SND1: variants seen among roughly 807,000 people sequenced by gnomAD.
SND1 encodes staphylococcal nuclease domain-containing protein 1.
Under a neutral mutation model 121.7 loss-of-function variants are expected in SND1, and 38 were observed. The ratio of observed to expected loss-of-function variants is 0.31; its 90% CI spans 0.24 to 0.41. SND1 has a LOEUF of 0.41. SND1 is among the 10% of genes least tolerant of loss of function. The probability of loss-of-function intolerance (pLI) is 1.00; values close to 1 mark genes in which losing one functional copy is unlikely to be tolerated. For missense variants in SND1, 868 were observed against 1,184.6 expected (o/e 0.73, Z 3.92); for synonymous variants, 401 against 447.4 (o/e 0.90, Z 1.31).
At chr7:127,815,548 G>A (rs1798423273) in intron 11 of SND1, among the ~76,000 whole-genome samples, 1 of 152,062 alleles carries the variant, frequency 6.6e-6, no homozygotes, top group Non-Finnish European at 1.5e-5. Context: ...GGACGAGGAG[G>A]AGTATTGGGC....
Position 127,909,293 on chromosome 7 carries a change from C to A in SND1, c.1527+4474C>A, listed in dbSNP as rs1337374521. Among the ~76,000 whole-genome samples the A allele has an allele frequency of 2.6e-5, 4 of 152,228 alleles. No individual in the cohort carries two copies. The East Asian group carries it at 5.8e-4, about 22-fold the overall frequency. On this transcript the variant is annotated intron_variant, in intron 14 of 23. Coordinates refer to ENST00000354725, the MANE Select transcript of SND1 (RefSeq NM_014390.4). ...TAATTTCACTATTACAGTATTTACT[C>A]TCTTAATCCATGGGTCTTTTTAATC...
intron 16 of SND1, among the ~76,000 whole-genome samples, chr7:128,048,701 G>A (rs1217361902): frequency 6.6e-6 from 1 of 152,124 alleles, no homozygotes; most frequent in Admixed American, 6.5e-5. Context: ...TTTTTGTTTT[G>A]GAGGGCGAGA....
intron 13 of SND1, among the ~76,000 whole-genome samples, chr7:127,893,893 TAGCACTCC>T (rs1800064125): frequency 6.6e-6 from 1 of 151,984 alleles, no homozygotes; most frequent in African/African-American, 2.4e-5. Flanking sequence ...AACAAAAAAC[TAGCACTCC>T]AGCCTTGCTG....
At chr7:127,708,148 G>A (rs565582739) in intron 9 of SND1, among the ~76,000 whole-genome samples, 1 of 152,120 alleles carries the variant, frequency 6.6e-6, no homozygotes, top group East Asian at 1.9e-4. Flanking sequence ...TATAAAACAG[G>A]CTTTGTGTTA....
intron 1 of SND1, among the ~76,000 whole-genome samples, chr7:127,680,411 TG>T (rs2116288666): frequency 6.6e-6 from 1 of 152,142 alleles, no homozygotes; most frequent in South Asian, 2.1e-4. Flanking sequence ...TATGGGAGAC[TG>T]GGGCTTATTT....
chr7:127,969,104 C>T (rs1801919558), intron 15 of SND1, among the ~76,000 whole-genome samples: 1 of 152,126 alleles, frequency 6.6e-6, no homozygotes, highest in African/African-American at 2.4e-5. Flanking sequence ...GTTCCTTTGC[C>T]TGGAGTTTTG....
chr7:127,736,505 C>G (rs1024119058), intron 10 of SND1, among the ~76,000 whole-genome samples: 3 of 152,156 alleles, frequency 2.0e-5, no homozygotes, highest in Middle Eastern at 3.2e-3. Context: ...ATGATTATAT[C>G]TTTGTTCTTA....
chr7:127,748,886 T>C (rs1035988139), intron 10 of SND1, among the ~76,000 whole-genome samples: 2 of 152,076 alleles, frequency 1.3e-5, no homozygotes, highest in African/African-American at 4.8e-5. Flanking sequence ...ACCTTGAGTA[T>C]AGACTCACAG....
At chr7:127,897,039 A>C (rs979699376) in intron 13 of SND1, among the ~76,000 whole-genome samples, 1 of 152,114 alleles carries the variant, frequency 6.6e-6, no homozygotes, top group Non-Finnish European at 1.5e-5. Flanking sequence ...TGTGAACGGG[A>C]AATCCGCTTC....
At chr7:127,903,410 G>C (rs1800274274) in intron 13 of SND1, among the ~76,000 whole-genome samples, 1 of 152,122 alleles carries the variant, frequency 6.6e-6, no homozygotes, top group Non-Finnish European at 1.5e-5. Flanking sequence ...CTGTCTTTCA[G>C]TTAGCATTTC....
At chr7:127,841,995 G>C (rs573869245) in intron 11 of SND1, among the ~76,000 whole-genome samples, 1 of 152,250 alleles carries the variant, frequency 6.6e-6, no homozygotes, top group South Asian at 2.1e-4. Context: ...GCTCCATTCT[G>C]CTGCTTCTAA....
chr7:128,019,945 G>A (rs921178802), intron 16 of SND1, among the ~76,000 whole-genome samples: 5 of 152,160 alleles, frequency 3.3e-5, no homozygotes, highest in African/African-American at 7.2e-5. Context: ...GAGGTAGAGC[G>A]GGACTCCAGG....
intron 18 of SND1, among the ~76,000 whole-genome samples, chr7:128,082,829 C>T (rs868222760): frequency 3.9e-5 from 6 of 152,338 alleles, no homozygotes; most frequent in Middle Eastern, 6.8e-3. Context: ...CCCAGGCAGG[C>T]TCTACTCAGC....
At chr7:127,669,178 A>T (rs1215941218) in intron 1 of SND1, among the ~76,000 whole-genome samples, 1 of 152,130 alleles carries the variant, frequency 6.6e-6, no homozygotes. Flanking sequence ...TTTTTAGTAG[A>T]GACGGGGTTT....
At chr7:127,776,570 A>G (rs532762318) in intron 10 of SND1, among the ~76,000 whole-genome samples, 1 of 152,368 alleles carries the variant, frequency 6.6e-6, no homozygotes, top group Admixed American at 6.5e-5. Flanking sequence ...TTTATAGCCA[A>G]TAAAATAGTT....
At chr7:127,706,535 GGT>G (rs1220433786) in intron 8 of SND1, among the ~76,000 whole-genome samples, 1 of 152,140 alleles carries the variant, frequency 6.6e-6, no homozygotes, top group African/African-American at 2.4e-5. Flanking sequence ...TGGGATTACA[GGT>G]GTGAGCCACT....
intron 10 of SND1, among the ~76,000 whole-genome samples, chr7:127,738,348 G>A (rs920410467): frequency 1.3e-4 from 19 of 147,760 alleles, no homozygotes; most frequent in South Asian, 6.4e-4. Context: ...GCAATGGCGC[G>A]ATCTCGGCTC....
At chr7:127,788,696 CAT>C (rs1563013742) in intron 10 of SND1, among the ~76,000 whole-genome samples, 1 of 152,158 alleles carries the variant, frequency 6.6e-6, no homozygotes. Context: ...AGTCTGTTGT[CAT>C]ATCTTCCTTC....
At chr7:127,685,252 C>G (rs1258609482) in intron 1 of SND1, among the ~76,000 whole-genome samples, 4 of 152,168 alleles carry the variant, frequency 2.6e-5, no homozygotes, top group African/African-American at 9.7e-5. Context: ...GCAATGCACT[C>G]TAAGTGAAAG....
Sources: gnomAD v4.1 joint callset for allele counts (sites outside exome capture counted in the v4.1 genomes callset) on GRCh38, gnomAD v4.1.1 for gene constraint, MANE v1.5 for transcripts, NCBI Gene and HGNC (gene_info 2026-07-23, HGNC 2026-07-21) for gene names.